The following F13A1 variants were observed in gnomAD, a reference collection of about 807,000 sequenced individuals.
F13A1 encodes coagulation factor XIII A chain.
Under a neutral mutation model 80.1 loss-of-function variants are expected in F13A1, and 47 were observed. The observed-to-expected ratio is 0.59, with a 90% CI of 0.46 to 0.75. The LOEUF is 0.75. Ranked by LOEUF, F13A1 falls within the 30% of genes least tolerant of loss-of-function variation. The pLI, the probability that F13A1 is intolerant of heterozygous loss-of-function variation, is 0.00. For missense variants in F13A1, 817 were observed against 930.4 expected (o/e 0.88, Z 1.59); for synonymous variants, 349 against 344.9 (o/e 1.01, Z -0.13).
intron 4 of F13A1, among the ~76,000 whole-genome samples, chr6:6,262,736 A>G (rs1464692853): frequency 6.6e-6 from 1 of 151,840 alleles, no homozygotes; most frequent in Non-Finnish European, 1.5e-5. Context: ...GAGTCACAAA[A>G]TGGCAATCAC....
At chr6:6,279,081 T>C (rs1758026662) in intron 3 of F13A1, among the ~76,000 whole-genome samples, 2 of 152,162 alleles carry the variant, frequency 1.3e-5, no homozygotes, top group Admixed American at 1.3e-4. Context: ...CTGCACTATG[T>C]ACCTTTCCTA....
At chr6:6,217,198 A>C (rs1172656630) in intron 8 of F13A1, among the ~76,000 whole-genome samples, 1 of 151,846 alleles carries the variant, frequency 6.6e-6, no homozygotes, top group Non-Finnish European at 1.5e-5. Flanking sequence ...AAAGGACTAT[A>C]AATCATGCTG....
At position 6,253,144 on chromosome 6, in the gene F13A1, A is replaced by T. The variant is rs1004962839; in HGVS notation, c.572-2215T>A. 5.7e-3 allele frequency among the ~76,000 whole-genome samples: 669 copies of T among 118,298 alleles called. 2 individuals are homozygous for T. Among genetic ancestry groups the T allele is most frequent in the African/African-American group, 0.023 (636 of 28,122 alleles). 77.6% of individuals were successfully genotyped at this position (118,298 alleles called of 152,430 possible). A position where few individuals can be genotyped will look rare whatever the true frequency, so the allele number is the denominator to read the frequency against. On this transcript the variant is annotated intron_variant, in intron 4 of 14. Transcript: ENST00000264870. ...GGCAACAGAGCTAGAATCTGTCCCA[A>T]AAAAAAAAAAAAAAAAAAAGAGAGA...
intron 4 of F13A1, among the ~76,000 whole-genome samples, chr6:6,255,280 ACTTT>A (rs1253114648): frequency 6.6e-6 from 1 of 152,100 alleles, no homozygotes; most frequent in Admixed American, 6.6e-5. Context: ...ATGGCCAGGA[ACTTT>A]CTAAGTGCTT....
chr6:6,294,118 T>C (rs900449589), intron 3 of F13A1, among the ~76,000 whole-genome samples: 1 of 152,182 alleles, frequency 6.6e-6, no homozygotes, highest in Non-Finnish European at 1.5e-5. Context: ...AAAAAAGTTT[T>C]TTTAAGTATA....
In F13A1 at chr6:6,255,932, T is replaced by TA. The variant is rs369685578; in HGVS notation, c.572-5004dup. Among the ~76,000 whole-genome samples, 1,125 of 152,048 alleles carry TA rather than the reference T, an allele frequency of 7.4e-3. 11 individuals are homozygous for TA. The highest frequency in any genetic ancestry group is 0.026 in the African/African-American group (1,069 of 41,452). On this transcript the variant is annotated intron_variant, in intron 4 of 14. Coordinates refer to ENST00000264870, the MANE Select transcript of F13A1 (RefSeq NM_000129.4). ...AAAATATAGTTGTCCAAAGCAAGGTTAAAAAAAATTGTATCACGATGGAAA... is the reference window on the plus strand; with the variant it reads ...AAAATATAGTTGTCCAAAGCAAGGTTAAAAAAAAATTGTATCACGATGGAAA...
chr6:6,210,903 G>C (rs3024426), intron 8 of F13A1, among the ~76,000 whole-genome samples: 2,462 of 151,974 alleles, frequency 0.016, 66 homozygotes, highest in African/African-American at 0.056. Context: ...TAATTTTTTT[G>C]TATTTTTAGT....
intron 3 of F13A1, among the ~76,000 whole-genome samples, chr6:6,293,809 G>C: frequency 8.2e-6 from 1 of 121,794 alleles, no homozygotes; most frequent in South Asian, 3.3e-4. Flanking sequence ...GAGGGAGGGA[G>C]GGAGGGAGGG....
At chr6:6,169,736 T>C (rs531054378) in intron 12 of F13A1, among the ~76,000 whole-genome samples, 2 of 152,166 alleles carry the variant, frequency 1.3e-5, no homozygotes, top group Non-Finnish European at 2.9e-5. Flanking sequence ...CATCCTACAA[T>C]GCACAGGATA....
intron 5 of F13A1, 107 bp from the exon 6 acceptor site, chr6:6,248,526 G>A (rs1008541900): frequency 5.1e-5 from 43 of 837,858 alleles, no homozygotes; most frequent in Non-Finnish European, 7.8e-5. Flanking sequence ...AGAAATGTGT[G>A]TTTCCTGTAT....
intron 3 of F13A1, among the ~76,000 whole-genome samples, chr6:6,302,228 T>G (rs1387151702): frequency 6.6e-6 from 1 of 152,206 alleles, no homozygotes; most frequent in African/African-American, 2.4e-5. Flanking sequence ...GAGATAAAAC[T>G]TCCCTCATAA....
chr6:6,219,275 C>G lies in F13A1; in HGVS notation c.1112+2758G>C, dbSNP rs114072564. Among the ~76,000 whole-genome samples, 918 of 152,062 alleles carry G rather than the reference C, an allele frequency of 6.0e-3. 12 individuals carry two copies. The highest frequency in any genetic ancestry group is 0.021 in the African/African-American group (870 of 41,460). On this transcript the variant is annotated intron_variant, in intron 8 of 14. Coordinates refer to ENST00000264870, the MANE Select transcript of F13A1 (RefSeq NM_000129.4). The stretch of plus-strand genomic sequence containing the variant: ...CTGACCTCACAGAGGTCAGCTGATG[C>G]CCAGCAAATCATTCCCACCCCCACC...
At chr6:6,247,909 A>G (rs2113098074) in intron 6 of F13A1, among the ~76,000 whole-genome samples, 1 of 152,352 alleles carries the variant, frequency 6.6e-6, no homozygotes, top group Middle Eastern at 3.4e-3. Context: ...CACTCTTACT[A>G]TCAGTGTGAA....
chr6:6,179,255 T>C (rs190834603), intron 11 of F13A1, among the ~76,000 whole-genome samples: 5 of 152,318 alleles, frequency 3.3e-5, no homozygotes, highest in Admixed American at 3.3e-4. Context: ...TCTTCAGAAA[T>C]TCTGATTTTC....
intron 10 of F13A1, among the ~76,000 whole-genome samples, chr6:6,186,183 T>C (rs1395895152): frequency 6.6e-6 from 1 of 150,490 alleles, no homozygotes; most frequent in Non-Finnish European, 1.5e-5. Context: ...GCCTGTTCAC[T>C]CTGATGGTAG....
chr6:6,279,396 G>A (rs909030702), intron 3 of F13A1, among the ~76,000 whole-genome samples: 7 of 152,172 alleles, frequency 4.6e-5, no homozygotes, highest in African/African-American at 1.4e-4. Context: ...AAACCAAACT[G>A]CATACCCAGC....
At chr6:6,251,481 C>A (rs1432334861) in intron 4 of F13A1, among the ~76,000 whole-genome samples, 1 of 152,100 alleles carries the variant, frequency 6.6e-6, no homozygotes, top group Non-Finnish European at 1.5e-5. Context: ...GTGTGTGTGT[C>A]CAACCAGCTT....
chr6:6,158,250 T>C (rs1184760675), intron 13 of F13A1, among the ~76,000 whole-genome samples: 2 of 152,000 alleles, frequency 1.3e-5, no homozygotes, highest in Non-Finnish European at 2.9e-5. Context: ...ATGCACACAG[T>C]GGTGCTATTC....
chr6:6,177,129 G>C (rs900585552), intron 11 of F13A1, among the ~76,000 whole-genome samples: 3 of 152,210 alleles, frequency 2.0e-5, no homozygotes, highest in African/African-American at 7.2e-5. Context: ...TTTTAGTGCA[G>C]TGAGAGACAT....
Sources: gnomAD v4.1 joint callset for allele counts (sites outside exome capture counted in the v4.1 genomes callset) on GRCh38, gnomAD v4.1.1 for gene constraint, MANE v1.5 for transcripts, NCBI Gene and HGNC (gene_info 2026-07-23, HGNC 2026-07-21) for gene names.